HS3ST5: variants seen among roughly 807,000 people sequenced by gnomAD.
The protein encoded by HS3ST5 is heparan sulfate glucosamine 3-O-sulfotransferase 5.
Under a neutral mutation model 25.4 loss-of-function variants are expected in HS3ST5, and 10 were observed. The ratio of observed to expected loss-of-function variants is 0.39; its 90% confidence interval spans 0.24 to 0.67. HS3ST5 has a LOEUF of 0.67. Among genes scored for constraint, HS3ST5 ranks in the 30% least tolerant of loss-of-function variants. HS3ST5 has a pLI of 0.44. For synonymous variants in HS3ST5, 170 were observed against 162.4 expected, an observed-to-expected ratio of 1.05 and a Z score of -0.36; for missense variants, 324 against 420.7, an observed-to-expected ratio of 0.77 and a Z score of 2.01.
At chr6:114,205,958 G>T (rs574085849) in intron 2 of HS3ST5, among the ~76,000 whole-genome samples, 1 of 152,260 alleles carries the variant, frequency 6.6e-6, no homozygotes, top group South Asian at 2.1e-4. Context: ...GTGTGGCCTG[G>T]TTTGTAACAG....
intron 3 of HS3ST5, among the ~76,000 whole-genome samples, chr6:114,087,124 C>T (rs1454764899): frequency 1.3e-5 from 2 of 152,132 alleles, no homozygotes; most frequent in East Asian, 3.9e-4. Flanking sequence ...AGTGGAGCCA[C>T]TTTGCATTTA....
chr6:114,259,272 A>G (rs1773063387), intron 1 of HS3ST5, among the ~76,000 whole-genome samples: 1 of 152,190 alleles, frequency 6.6e-6, no homozygotes, highest in East Asian at 1.9e-4. Flanking sequence ...GATTTCTCAG[A>G]ATGAGTTTTT....
chr6:114,220,790 A>T (rs1781994725), intron 2 of HS3ST5: 1 of 151,954 alleles, frequency 6.6e-6, no homozygotes, highest in African/African-American at 2.4e-5. Flanking sequence ...TGTAGATAAG[A>T]TCATTCTCAT....
chr6:114,100,402 T>C (rs1775662875), intron 3 of HS3ST5, among the ~76,000 whole-genome samples: 1 of 152,186 alleles, frequency 6.6e-6, no homozygotes, highest in Non-Finnish European at 1.5e-5. Flanking sequence ...CGAGCAGTAG[T>C]ATGGCTAGCA....
intron 4 of HS3ST5, 97 bp from the exon 5 acceptor site, chr6:114,058,287 C>T: frequency 1.2e-6 from 1 of 846,568 alleles, no homozygotes; most frequent in Non-Finnish European, 1.8e-6. Flanking sequence ...ATAAATAAAG[C>T]CACTGGTTCC....
At chr6:114,257,913 TGATA>T (rs1283574174) in intron 1 of HS3ST5, among the ~76,000 whole-genome samples, 2 of 152,040 alleles carry the variant, frequency 1.3e-5, no homozygotes, top group Non-Finnish European at 2.9e-5. Flanking sequence ...ACTTATTGAT[TGATA>T]GATAGATAGA....
chr6:114,260,806 T>C (rs1773137514), intron 1 of HS3ST5, among the ~76,000 whole-genome samples: 1 of 152,238 alleles, frequency 6.6e-6, no homozygotes, highest in Non-Finnish European at 1.5e-5. Flanking sequence ...TCAAGAAGCC[T>C]AAAGTGGTTT....
intron 1 of HS3ST5, among the ~76,000 whole-genome samples, chr6:114,291,961 C>G (rs972629501): frequency 6.6e-6 from 1 of 152,150 alleles, no homozygotes; most frequent in Non-Finnish European, 1.5e-5. Flanking sequence ...AAAGTATGTT[C>G]TAAAGAGCAA....
intron 1 of HS3ST5, among the ~76,000 whole-genome samples, chr6:114,297,744 T>A (rs954081439): frequency 6.6e-6 from 1 of 152,168 alleles, no homozygotes; most frequent in Non-Finnish European, 1.5e-5. Flanking sequence ...AGACAAGGTA[T>A]CTACACAATT....
chr6:114,072,296 G>GA (rs145044165), intron 3 of HS3ST5, among the ~76,000 whole-genome samples: 28 of 149,040 alleles, frequency 1.9e-4, no homozygotes, highest in East Asian at 5.9e-4. Context: ...TTTTAAGAAA[G>GA]AAAAAAAAAA....
chr6:114,140,671 C>T (rs569443661), intron 3 of HS3ST5, among the ~76,000 whole-genome samples: 1 of 152,282 alleles, frequency 6.6e-6, no homozygotes, highest in African/African-American at 2.4e-5. Flanking sequence ...CAACGGTACA[C>T]AGAAGAGCAC....
At chr6:114,098,025 C>T (rs1775535165) in intron 3 of HS3ST5, among the ~76,000 whole-genome samples, 1 of 151,864 alleles carries the variant, frequency 6.6e-6, no homozygotes, top group South Asian at 2.1e-4. Context: ...ACTTCTTTCA[C>T]TAGTATAGTA....
chr6:114,318,395 C>T (rs1255373551), intron 1 of HS3ST5, among the ~76,000 whole-genome samples: 1 of 151,892 alleles, frequency 6.6e-6, no homozygotes, highest in Admixed American at 6.6e-5. Context: ...TTTTTTTCTC[C>T]TCCTCTCCCC....
intron 1 of HS3ST5, among the ~76,000 whole-genome samples, chr6:114,271,593 T>C (rs1773639425): frequency 6.6e-6 from 1 of 152,082 alleles, no homozygotes; most frequent in African/African-American, 2.4e-5. Flanking sequence ...ATCTAGTTTA[T>C]TTATTGCTGA....
chr6:114,167,667 C>G (rs1779280350), intron 3 of HS3ST5: 1 of 152,172 alleles, frequency 6.6e-6, no homozygotes, highest in Non-Finnish European at 1.5e-5. Flanking sequence ...CTGGTTTCCC[C>G]TCTTCTTGGG....
At chr6:114,124,345 T>C (rs1483575171) in intron 3 of HS3ST5, among the ~76,000 whole-genome samples, 1 of 152,154 alleles carries the variant, frequency 6.6e-6, no homozygotes, top group Non-Finnish European at 1.5e-5. Context: ...CAAGGATGCA[T>C]TTTGGCCAGA....
At chr6:114,268,018 C>T (rs971640082) in intron 1 of HS3ST5, among the ~76,000 whole-genome samples, 1 of 152,176 alleles carries the variant, frequency 6.6e-6, no homozygotes, top group Admixed American at 6.6e-5. Flanking sequence ...TAAGTTTGTG[C>T]ACCACATATA....
chr6:114,151,815 T>TACAG (rs1778463335), intron 3 of HS3ST5, among the ~76,000 whole-genome samples: 1 of 152,222 alleles, frequency 6.6e-6, no homozygotes, highest in South Asian at 2.1e-4. Context: ...TAAATTCCTG[T>TACAG]GCCAGTGTTT....
chr6:114,286,187 T>C (rs908269808), intron 1 of HS3ST5, among the ~76,000 whole-genome samples: 1 of 151,906 alleles, frequency 6.6e-6, no homozygotes, highest in Non-Finnish European at 1.5e-5. Flanking sequence ...ATTAATAAAA[T>C]GGTCAAATTC....
Sources: allele counts gnomAD v4.1 joint callset (sites outside exome capture counted in the v4.1 genomes callset), GRCh38; gene constraint gnomAD v4.1.1; transcripts MANE v1.5; gene names NCBI Gene and HGNC (gene_info 2026-07-23, HGNC 2026-07-21).